Variants in CSMD3 observed in about 807,000 individuals in gnomAD.
The protein encoded by CSMD3 is CUB and Sushi multiple domains 3, also known as CUB and sushi domain-containing protein 3.
CSMD3 carries 177 observed loss-of-function variants against 435.2 expected under a neutral mutation model. That is an observed-to-expected ratio of 0.41 (90% CI 0.36 to 0.46). CSMD3 has a LOEUF of 0.46. Ranked by LOEUF, CSMD3 falls within the 20% of genes least tolerant of loss-of-function variation. The pLI is 0.34. For synonymous variants in CSMD3, 1,656 were observed against 1,520.5 expected (o/e 1.09, Z -2.07); for missense variants, 4,265 against 4,504.6 (o/e 0.95, Z 1.52).
chr8:112,909,105 A>T (rs775246491), intron 10 of CSMD3, among the ~76,000 whole-genome samples: 4 of 151,548 alleles, frequency 2.6e-5, no homozygotes, highest in Non-Finnish European at 5.9e-5. Context: ...CAATATTAGA[A>T]CATCCAAAGT....
chr8:112,762,638 A>G (rs1184565373), intron 13 of CSMD3, among the ~76,000 whole-genome samples: 4 of 151,978 alleles, frequency 2.6e-5, no homozygotes, highest in Admixed American at 6.6e-5. Context: ...TAAACCACTT[A>G]AAGTTATCAA....
At position 112,408,342 on chromosome 8, in the gene CSMD3, T is replaced by A. The variant is rs2130063179; in HGVS notation, c.5581A>T (p.Lys1861Ter). The A allele has an allele frequency of 6.2e-7, 1 of 1,609,140 alleles. No homozygotes were observed. The highest frequency in any genetic ancestry group is 8.5e-7 in the Non-Finnish European group (1 of 1,175,836). Residue 1861 changes from lysine (K) to a stop codon, truncating the protein, a stop_gained, in exon 34 of 71, where the codon AAG (lysine) becomes TAG (stop). Coordinates refer to ENST00000297405, the MANE Select transcript of CSMD3 (RefSeq NM_198123.2). LOFTEE classifies it high-confidence loss of function. ...RFTSVGPITA[K>*]GFHFVYQAVP... ...CCTTGGTAAACAAAGTGAAATCCCT[T>A]AGCTGTTATTGGTCCAACTGAAGTA... is the stretch of plus-strand genomic sequence containing the variant.
intron 16 of CSMD3, among the ~76,000 whole-genome samples, chr8:112,675,243 A>G (rs1426044099): frequency 1.3e-5 from 2 of 152,082 alleles, no homozygotes; most frequent in Admixed American, 6.6e-5. Flanking sequence ...GTTCAAAATC[A>G]TTTCGAGTAT....
rs189389018 is a variant in CSMD3, at chr8:113,365,586, T to C, written c.179-50793A>G. On this transcript the variant is annotated intron_variant, in intron 1 of 70. Transcript: ENST00000297405. ...GTATTTTTAAACTAAAAATAGATTA[T>C]GTACATTTTAATTCAATATTTATAA... is the stretch of plus-strand genomic sequence containing the variant. Among the ~76,000 whole-genome samples, 733 of 152,204 alleles carry C rather than the reference T, an allele frequency of 4.8e-3. 12 individuals carry two copies. Among genetic ancestry groups the C allele is most frequent in the African/African-American group, 0.017 (706 of 41,562 alleles).
Position 112,689,769 on chromosome 8 carries a change from A to G in CSMD3, c.2155+99T>C. 5 of 1,021,430 alleles carry G rather than the reference A, an allele frequency of 4.9e-6. No individual in the cohort carries two copies. In the South Asian group the frequency reaches 6.8e-5, roughly 14 times the overall value. 63.3% of individuals were successfully genotyped at this position (1,021,430 alleles called of 1,614,324 possible). ...CACAAAGTGCTACTCACTCAAAAAT[A>G]ATTACACGGTTGCAGCTCTTTGCAA... On this transcript the variant is annotated intron_variant, in intron 14 of 70. Transcript: ENST00000297405.
At chr8:112,669,028 A>T (rs1256598075) in intron 16 of CSMD3, among the ~76,000 whole-genome samples, 1 of 151,730 alleles carries the variant, frequency 6.6e-6, no homozygotes, top group East Asian at 1.9e-4. Context: ...TATTATTATT[A>T]TGTATTTATT....
At chr8:113,208,851 C>T (rs1403257415) in intron 3 of CSMD3, among the ~76,000 whole-genome samples, 1 of 151,980 alleles carries the variant, frequency 6.6e-6, no homozygotes, top group African/African-American at 2.4e-5. Flanking sequence ...TGTGTTTATA[C>T]ACTTAAGTTG....
rs562222578 is a variant in CSMD3, at chr8:112,556,153, T to A, written c.4234+610A>T. ...CTCTATCCACACCTGTCAATATTTG[T>A]CTATCTACCTTCCCACCCCCACCTA... On this transcript the variant is annotated intron_variant, in intron 25 of 70. Coordinates refer to ENST00000297405, the MANE Select transcript of CSMD3 (RefSeq NM_198123.2). Among the ~76,000 whole-genome samples, 10 of 152,098 alleles carry A rather than the reference T, an allele frequency of 6.6e-5. No individual in the cohort carries two copies. The South Asian group carries it at 2.1e-3, about 32-fold the overall frequency.
intron 60 of CSMD3, among the ~76,000 whole-genome samples, chr8:112,264,751 G>A (rs540660198): frequency 3.8e-4 from 58 of 151,986 alleles, no homozygotes; most frequent in Admixed American, 2.6e-3. Context: ...AAATAGAAAC[G>A]TAAACGAAAA....
chr8:112,279,951 A>G (rs536151901), intron 59 of CSMD3, among the ~76,000 whole-genome samples: 7 of 152,230 alleles, frequency 4.6e-5, no homozygotes, highest in African/African-American at 1.2e-4. Flanking sequence ...CAAACTTTGC[A>G]TGCAATATAT....
chr8:112,369,238 T>C, intron 38 of CSMD3, among the ~76,000 whole-genome samples: 1 of 152,202 alleles, frequency 6.6e-6, no homozygotes. Context: ...TATGAAAACA[T>C]TTAACGCAGC....
chr8:112,612,947 G>A (rs1311914606), intron 22 of CSMD3, among the ~76,000 whole-genome samples: 1 of 151,250 alleles, frequency 6.6e-6, no homozygotes, highest in Non-Finnish European at 1.5e-5. Flanking sequence ...GGAGGGGGAT[G>A]GTTGAAGGGG....
chr8:112,396,467 G>A (rs75445926), intron 35 of CSMD3, among the ~76,000 whole-genome samples: 2,495 of 152,138 alleles, frequency 0.016, 35 homozygotes, highest in Admixed American at 0.025. Flanking sequence ...TATCTTTCCT[G>A]CAGATGTCAG....
At chr8:113,272,626 T>C (rs964046088) in intron 3 of CSMD3, among the ~76,000 whole-genome samples, 3 of 152,196 alleles carry the variant, frequency 2.0e-5, no homozygotes, top group African/African-American at 7.2e-5. Context: ...GTGGAACAAC[T>C]GTAAGTCCAA....
intron 1 of CSMD3, among the ~76,000 whole-genome samples, chr8:113,352,898 G>T (rs1167659844): frequency 1.3e-5 from 2 of 152,144 alleles, no homozygotes; most frequent in African/African-American, 4.8e-5. Flanking sequence ...ATTAATATTT[G>T]GGTGAATTGG....
intron 35 of CSMD3, among the ~76,000 whole-genome samples, chr8:112,402,154 T>C (rs1831399196): frequency 6.6e-6 from 1 of 152,206 alleles, no homozygotes; most frequent in Admixed American, 6.5e-5. Flanking sequence ...GTTTTCTTAT[T>C]TTCTTGTTTT....
chr8:112,402,683 G>A (rs1000084294), intron 35 of CSMD3, among the ~76,000 whole-genome samples: 10 of 152,124 alleles, frequency 6.6e-5, no homozygotes. Flanking sequence ...TGGGGAAAGT[G>A]AGGCAGAAAT....
intron 1 of CSMD3, among the ~76,000 whole-genome samples, chr8:113,351,089 A>G (rs1476659264): frequency 1.3e-5 from 2 of 152,070 alleles, no homozygotes; most frequent in Admixed American, 1.3e-4. Flanking sequence ...ACCACACTCC[A>G]TTAGTGTGCT....
At chr8:113,086,236 G>A (rs1236704442) in intron 5 of CSMD3, among the ~76,000 whole-genome samples, 3 of 145,718 alleles carry the variant, frequency 2.1e-5, no homozygotes, top group East Asian at 2.0e-4. Context: ...GCAACAAAGC[G>A]AGACTCCGTC....
Sources: gnomAD v4.1 joint callset for allele counts (sites outside exome capture counted in the v4.1 genomes callset) on GRCh38, gnomAD v4.1.1 for gene constraint, MANE v1.5 for transcripts, NCBI Gene and HGNC (gene_info 2026-07-23, HGNC 2026-07-21) for gene names.